The following KCNN3 variants were observed in gnomAD, a reference collection of about 807,000 sequenced individuals.
KCNN3 encodes potassium calcium-activated channel subfamily N member 3.
In KCNN3, 16 loss-of-function variants were observed where a neutral mutation model predicts 62.9. The ratio of observed to expected loss-of-function variants is 0.25; its 90% CI spans 0.17 to 0.39. KCNN3 has a LOEUF of 0.39. KCNN3 is among the 10% of genes least tolerant of loss of function. The pLI is 1.00. For synonymous variants in KCNN3, 370 were observed against 389.2 expected, an observed-to-expected ratio of 0.95 and a Z score of 0.58; for missense variants, 599 against 949.4, an observed-to-expected ratio of 0.63 and a Z score of 4.85.
intron 3 of KCNN3, among the ~76,000 whole-genome samples, chr1:154,751,685 G>A (rs1296709517): frequency 1.4e-5 from 2 of 147,802 alleles, no homozygotes; most frequent in Admixed American, 6.6e-5. Flanking sequence ...CCCCTCCCCT[G>A]ACTCCTCCCC....
intron 2 of KCNN3, among the ~76,000 whole-genome samples, chr1:154,821,599 G>A: frequency 6.6e-6 from 1 of 152,190 alleles, no homozygotes; most frequent in East Asian, 1.9e-4. Flanking sequence ...GACACCCCCA[G>A]CCTAGACCCA....
At chr1:154,773,205 T>A (rs1196501144) in intron 2 of KCNN3, among the ~76,000 whole-genome samples, 2 of 152,166 alleles carry the variant, frequency 1.3e-5, no homozygotes, top group Non-Finnish European at 2.9e-5. Context: ...TCTTTGTGTT[T>A]CGATGAGCTT....
intron 1 of KCNN3, among the ~76,000 whole-genome samples, chr1:154,848,260 G>A (rs973209029): frequency 6.6e-6 from 1 of 152,092 alleles, no homozygotes; most frequent in African/African-American, 2.4e-5. Context: ...CAGTCACTTC[G>A]AGCCTCACAC....
chr1:154,729,354 AC>A (rs1480264463), intron 4 of KCNN3, among the ~76,000 whole-genome samples: 8 of 152,186 alleles, frequency 5.3e-5, no homozygotes, highest in African/African-American at 1.9e-4. Context: ...GATGGGGTCC[AC>A]TTCTGATGAG....
chr1:154,714,082 GTT>G (rs1233330685), intron 6 of KCNN3, among the ~76,000 whole-genome samples: 5 of 35,434 alleles, frequency 1.4e-4, no homozygotes, highest in African/African-American at 3.2e-4. Context: ...TGTGTGTGGT[GTT>G]TGTGTGTGGT....
At chr1:154,747,588 AG>A (rs1489049238) in intron 3 of KCNN3, among the ~76,000 whole-genome samples, 4 of 152,170 alleles carry the variant, frequency 2.6e-5, no homozygotes, top group African/African-American at 9.7e-5. Flanking sequence ...TTCAGTGGAA[AG>A]GAAGGGCCGG....
intron 5 of KCNN3, among the ~76,000 whole-genome samples, chr1:154,719,761 T>C (rs1377727454): frequency 6.6e-6 from 1 of 152,120 alleles, no homozygotes; most frequent in African/African-American, 2.4e-5. Context: ...CCTGCAGACT[T>C]GCTCTGGCTT....
rs574750243 is a variant in KCNN3 at position 154,707,992 on chromosome 1, C to T, written c.2180G>A (p.Ser727Asn). ...SSTSFPTPYT[S>N]SSSC ...GAGATTTATTTAGCAACTGCTTGAA[C>T]TTGTGTACGGGGTCGGGAAGGAGGT... The change falls in exon 8 of 8, where the codon AGT becomes AAT. Residue 727 changes from serine to asparagine, a missense_variant. Around this residue, in one of 7 missense-constraint regions of KCNN3, gnomAD observed 52 missense variants for 53.3 expected, o/e 0.98. Coordinates refer to ENST00000271915, the MANE Select transcript of KCNN3 (RefSeq NM_002249.6). 19 of 1,613,468 alleles carry T rather than the reference C, an allele frequency of 1.2e-5. No individual in the cohort carries two copies. The African/African-American group carries it at 1.6e-4, about 14-fold the overall frequency.
chr1:154,748,293 G>A (rs988225339), intron 3 of KCNN3, among the ~76,000 whole-genome samples: 1 of 152,286 alleles, frequency 6.6e-6, no homozygotes, highest in South Asian at 2.1e-4. Context: ...TGCCGCCCGC[G>A]CCTGCAAGCT....
chr1:154,801,610 A>G (rs1298647668), intron 2 of KCNN3, among the ~76,000 whole-genome samples: 1 of 152,218 alleles, frequency 6.6e-6, no homozygotes, highest in Admixed American at 6.5e-5. Flanking sequence ...TCTGAGAGTG[A>G]CATATCTTAC....
intron 5 of KCNN3, among the ~76,000 whole-genome samples, chr1:154,724,841 G>A (rs1461219241): frequency 6.6e-6 from 1 of 151,952 alleles, no homozygotes; most frequent in African/African-American, 2.4e-5. Context: ...TAGGGATGTG[G>A]GCTCTACTAG....
intron 3 of KCNN3, among the ~76,000 whole-genome samples, chr1:154,739,213 T>C (rs1700776462): frequency 6.6e-6 from 1 of 152,206 alleles, no homozygotes; most frequent in South Asian, 2.1e-4. Flanking sequence ...GACTCTACAG[T>C]GTATGCACAT....
intron 3 of KCNN3, among the ~76,000 whole-genome samples, chr1:154,750,586 A>G (rs984675971): frequency 6.6e-6 from 1 of 152,074 alleles, no homozygotes; most frequent in Admixed American, 6.5e-5. Context: ...GTCCATGTGC[A>G]TTAGGGCCCC....
At chr1:154,867,223 A>G (rs1298098190) in intron 1 of KCNN3, among the ~76,000 whole-genome samples, 1 of 152,122 alleles carries the variant, frequency 6.6e-6, no homozygotes, top group Admixed American at 6.5e-5. Flanking sequence ...CATATCCTGG[A>G]GCGCCCAGCA....
chr1:154,757,764 C>T (rs1344544671), intron 3 of KCNN3, among the ~76,000 whole-genome samples: 1 of 152,126 alleles, frequency 6.6e-6, no homozygotes, highest in Non-Finnish European at 1.5e-5. Flanking sequence ...TGGAGTCTGA[C>T]CAGAAGTCCT....
intron 5 of KCNN3, among the ~76,000 whole-genome samples, chr1:154,719,602 A>G (rs1700303225): frequency 6.6e-6 from 1 of 152,180 alleles, no homozygotes; most frequent in Admixed American, 6.5e-5. Flanking sequence ...GGAGTTACAC[A>G]GGTTGAAATT....
chr1:154,826,149 G>A (rs958243748), intron 1 of KCNN3, among the ~76,000 whole-genome samples: 3 of 151,212 alleles, frequency 2.0e-5, no homozygotes, highest in Non-Finnish European at 4.4e-5. Context: ...GTTGATGATA[G>A]ACTATTAAGT....
chr1:154,831,671 A>G (rs144523737), intron 1 of KCNN3, among the ~76,000 whole-genome samples: 3 of 152,186 alleles, frequency 2.0e-5, no homozygotes, highest in Admixed American at 1.3e-4. Context: ...GCACATGGCC[A>G]TCCAGTCTCT....
rs1306698792 is a variant in KCNN3 at position 154,869,005 on chromosome 1, G to C, written c.933+27C>G. On this transcript the variant is annotated intron_variant, in intron 1 of 7. Transcript: ENST00000271915. The surrounding 1 kb of genome is among the most constrained non-coding windows in gnomAD (Gnocchi z 6.1). ...CTACCTACATATTCCTTTTGTTCAA[G>C]GTATAAAGAGAAACCACAGCCCCTA... 1.9e-6 allele frequency: 3 copies of C among 1,606,834 alleles called. No homozygotes were observed. In the Admixed American group the frequency reaches 5.0e-5, roughly 27 times the overall value.
Sources: allele counts gnomAD v4.1 joint callset (sites outside exome capture counted in the v4.1 genomes callset), GRCh38; gene constraint gnomAD v4.1.1; regional missense constraint gnomAD v4.1.1; non-coding constraint Gnocchi (gnomAD v3.1); transcripts MANE v1.5; gene names NCBI Gene and HGNC (gene_info 2026-07-23, HGNC 2026-07-21).